The following NPAS3 variants were observed in gnomAD, a reference collection of about 807,000 sequenced individuals.
NPAS3 encodes neuronal PAS domain-containing protein 3.
In NPAS3, 14 loss-of-function variants were observed where a neutral mutation model predicts 73.1. That is an observed-to-expected ratio of 0.19 (90% confidence interval 0.13 to 0.30). NPAS3 has a LOEUF of 0.30. NPAS3 is among the 10% of genes least tolerant of loss of function. The pLI, the probability that NPAS3 is intolerant of heterozygous loss-of-function variation, is 1.00. For synonymous variants in NPAS3, 620 were observed against 541.5 expected (o/e 1.14, Z -2.01); for missense variants, 1,096 against 1,250.0 (o/e 0.88, Z 1.86).
intron 5 of NPAS3, among the ~76,000 whole-genome samples, chr14:33,596,224 T>C (rs1238416781): frequency 6.6e-6 from 1 of 152,198 alleles, no homozygotes; most frequent in African/African-American, 2.4e-5. Context: ...GAAAGTGCAG[T>C]TTGTCACTTG....
intron 1 of NPAS3, among the ~76,000 whole-genome samples, chr14:33,052,006 A>C (rs751334629): frequency 2.0e-5 from 3 of 152,028 alleles, no homozygotes; most frequent in Admixed American, 2.0e-4. Context: ...TGATCCACCC[A>C]CCTTGGCTTC....
At chr14:33,607,709 G>T (rs919860936) in intron 5 of NPAS3, among the ~76,000 whole-genome samples, 22 of 152,188 alleles carry the variant, frequency 1.4e-4, no homozygotes, top group African/African-American at 5.3e-4. Context: ...ACATGTATTA[G>T]TCCGTTCTCA....
chr14:33,276,053 C>T (rs2041314218), intron 3 of NPAS3, among the ~76,000 whole-genome samples: 1 of 152,098 alleles, frequency 6.6e-6, no homozygotes, highest in Non-Finnish European at 1.5e-5. Context: ...TTCATGCTTT[C>T]TGTTCTGAGA....
At chr14:33,328,446 CTTTTTTTTTTTTTTTTTTTTTTTTTTT>C (rs58411120) in intron 3 of NPAS3, among the ~76,000 whole-genome samples, 1 of 49,584 alleles carries the variant, frequency 2.0e-5, no homozygotes, top group African/African-American at 8.3e-5. Flanking sequence ...CTTTTCTTTT[CTTTTTTTTTTTTTTTTTTTTTTTTTTT>C]TTTTTTTTTT....
chr14:33,353,909 A>T (rs373500336), intron 3 of NPAS3, among the ~76,000 whole-genome samples: 2 of 152,316 alleles, frequency 1.3e-5, no homozygotes, highest in East Asian at 3.9e-4. Flanking sequence ...GATGTGGATT[A>T]TAGATCATTA....
At chr14:33,190,906 T>A (rs181930044) in intron 2 of NPAS3, among the ~76,000 whole-genome samples, 1 of 152,310 alleles carries the variant, frequency 6.6e-6, no homozygotes, top group African/African-American at 2.4e-5. Context: ...TTCCCACTCC[T>A]CTCTTGCTAA....
chr14:33,228,701 C>G (rs1289738049), intron 3 of NPAS3, among the ~76,000 whole-genome samples: 1 of 152,058 alleles, frequency 6.6e-6, no homozygotes, highest in Non-Finnish European at 1.5e-5. Flanking sequence ...ACCATCTCCT[C>G]TAGGAGTTTA....
chr14:33,015,459 C>T (rs2039356497), intron 1 of NPAS3, among the ~76,000 whole-genome samples: 1 of 152,170 alleles, frequency 6.6e-6, no homozygotes, highest in East Asian at 1.9e-4. Context: ...GGAATTAATA[C>T]TGTCAGATAT....
intron 4 of NPAS3, among the ~76,000 whole-genome samples, chr14:33,448,336 G>A (rs777161473): frequency 9.2e-5 from 14 of 152,058 alleles, no homozygotes; most frequent in Non-Finnish European, 1.6e-4. Flanking sequence ...TAATTTAAGG[G>A]GATAACAGAT....
rs372112972 is a variant in NPAS3 at position 33,085,863 on chromosome 14, C to T, written c.140+29869C>T. On this transcript the variant is annotated intron_variant, in intron 2 of 11. Transcript: ENST00000356141. ...ATAGTTACTTTCATATGAGTTAAAA[C>T]TCAGCTGTAACAATTCATTGACTAA... Among the ~76,000 whole-genome samples, 7 of 152,266 alleles carry T rather than the reference C, an allele frequency of 4.6e-5. No homozygotes were observed. In the East Asian group the frequency reaches 7.7e-4, roughly 17 times the overall value.
chr14:33,009,269 T>A (rs998980548), intron 1 of NPAS3, among the ~76,000 whole-genome samples: 3 of 152,096 alleles, frequency 2.0e-5, no homozygotes, highest in East Asian at 1.9e-4. Flanking sequence ...CCAAAAGACA[T>A]CATAGTTTTA....
intron 2 of NPAS3, among the ~76,000 whole-genome samples, chr14:33,095,151 G>A (rs978080234): frequency 1.3e-5 from 2 of 151,872 alleles, no homozygotes; most frequent in African/African-American, 2.4e-5. Flanking sequence ...CAGTCCTCGA[G>A]TTTTAAATCA....
intron 6 of NPAS3, among the ~76,000 whole-genome samples, chr14:33,698,324 T>C (rs971145836): frequency 6.6e-6 from 1 of 152,268 alleles, no homozygotes; most frequent in Non-Finnish European, 1.5e-5. Context: ...AAGGTTTTTT[T>C]AAAATTATGT....
At chr14:33,495,589 T>A (rs2052138642) in intron 4 of NPAS3, among the ~76,000 whole-genome samples, 1 of 152,116 alleles carries the variant, frequency 6.6e-6, no homozygotes, top group Non-Finnish European at 1.5e-5. Flanking sequence ...ATTCTCCCAC[T>A]ATTATTGCGT....
intron 3 of NPAS3, among the ~76,000 whole-genome samples, chr14:33,236,820 C>T (rs1471619860): frequency 2.0e-5 from 3 of 152,070 alleles, no homozygotes; most frequent in Non-Finnish European, 4.4e-5. Flanking sequence ...TCAAACAGTG[C>T]TCTCAGTTTG....
intron 4 of NPAS3, among the ~76,000 whole-genome samples, chr14:33,516,870 G>C (rs550588817): frequency 6.6e-6 from 1 of 152,080 alleles, no homozygotes; most frequent in East Asian, 1.9e-4. Context: ...TTTTATCATG[G>C]GGACTGCATA....
intron 3 of NPAS3, among the ~76,000 whole-genome samples, chr14:33,323,879 A>G (rs112897255): frequency 1.3e-5 from 2 of 152,248 alleles, no homozygotes; most frequent in Non-Finnish European, 2.9e-5. Flanking sequence ...GTAGCCTGCT[A>G]TCTTCTTCCT....
chr14:33,384,922 C>A (rs188066220), intron 4 of NPAS3, among the ~76,000 whole-genome samples: 2 of 152,044 alleles, frequency 1.3e-5, no homozygotes, highest in Non-Finnish European at 2.9e-5. Context: ...CCGGGCCACA[C>A]GTTGGGGATT....
At chr14:33,656,281 C>T (rs542114946) in intron 5 of NPAS3, among the ~76,000 whole-genome samples, 12 of 151,576 alleles carry the variant, frequency 7.9e-5, no homozygotes, top group Admixed American at 4.6e-4. Flanking sequence ...AAGGAGTCCA[C>T]GTGGGTAATG....
Sources: gnomAD v4.1 joint callset for allele counts (sites outside exome capture counted in the v4.1 genomes callset) on GRCh38, gnomAD v4.1.1 for gene constraint, MANE v1.5 for transcripts, NCBI Gene and HGNC (gene_info 2026-07-23, HGNC 2026-07-21) for gene names.